Variants in COL13A1 observed in about 807,000 individuals in gnomAD.
The protein encoded by COL13A1 is collagen type XIII alpha 1 chain, also known as collagen alpha-1(XIII) chain.
A neutral mutation model predicts 130.9 loss-of-function variants in COL13A1; 89 were observed. The ratio of observed to expected loss-of-function variants is 0.68; its 90% CI spans 0.57 to 0.81. The LOEUF is 0.81. Among genes scored for constraint, COL13A1 ranks in the 30% least tolerant of loss-of-function variants. COL13A1 has a pLI of 0.00. For synonymous variants in COL13A1, 402 were observed against 341.6 expected (o/e 1.18, Z -1.95); for missense variants, 879 against 934.6 (o/e 0.94, Z 0.78).
chr10:69,949,545 C>T (rs1001034103), intron 38 of COL13A1, among the ~76,000 whole-genome samples: 3 of 152,188 alleles, frequency 2.0e-5, no homozygotes, highest in Non-Finnish European at 1.5e-5. Context: ...TCTCCATGTC[C>T]CATCAAAGGA....
At chr10:69,867,943 C>G (rs892527728) in intron 3 of COL13A1, 138 bp downstream of exon 3, 8 of 644,216 alleles carry the variant, frequency 1.2e-5, no homozygotes, top group Admixed American at 5.1e-5. Context: ...AGGGGTCCCT[C>G]CAGAATGCCT....
chr10:69,834,450 T>C (rs1233794083), intron 2 of COL13A1, among the ~76,000 whole-genome samples: 1 of 152,200 alleles, frequency 6.6e-6, no homozygotes, highest in Non-Finnish European at 1.5e-5. Context: ...AAGGAGGGGT[T>C]GAGGCAATTA....
At chr10:69,911,764 T>A (rs896244335) in intron 17 of COL13A1, among the ~76,000 whole-genome samples, 7 of 152,252 alleles carry the variant, frequency 4.6e-5, no homozygotes, top group African/African-American at 1.7e-4. Context: ...TGCCAAAGAA[T>A]TAAGGAAGTG....
At chr10:69,820,615 G>A (rs770579984) in intron 1 of COL13A1, among the ~76,000 whole-genome samples, 33 of 152,178 alleles carry the variant, frequency 2.2e-4, no homozygotes, top group Non-Finnish European at 3.2e-4. Flanking sequence ...GCCGCTCTGT[G>A]CCCACCTGTA....
chr10:69,829,073 C>G (rs570754461), intron 2 of COL13A1, among the ~76,000 whole-genome samples: 6 of 152,172 alleles, frequency 3.9e-5, no homozygotes, highest in East Asian at 1.9e-4. Flanking sequence ...ACCTTCCCCC[C>G]ACCTGGCCCT....
chr10:69,806,407 G>A (rs904176962), intron 1 of COL13A1, among the ~76,000 whole-genome samples: 2 of 152,218 alleles, frequency 1.3e-5, no homozygotes, highest in South Asian at 2.1e-4. Flanking sequence ...AGGCCTGAGA[G>A]GGGAGCCAGA....
intron 17 of COL13A1, among the ~76,000 whole-genome samples, chr10:69,914,669 G>T (rs1375548711): frequency 6.6e-6 from 1 of 152,242 alleles, no homozygotes; most frequent in Non-Finnish European, 1.5e-5. Context: ...CCAGAGGACT[G>T]TGGGGGCCTC....
intron 1 of COL13A1, among the ~76,000 whole-genome samples, chr10:69,811,974 T>A (rs541356440): frequency 2.8e-4 from 43 of 152,158 alleles, no homozygotes; most frequent in African/African-American, 1.0e-3. Context: ...CTCCTCTCCA[T>A]CCCTGCCTGC....
At chr10:69,804,108 C>T (rs989761454) in intron 1 of COL13A1, among the ~76,000 whole-genome samples, 6 of 152,140 alleles carry the variant, frequency 3.9e-5, no homozygotes, top group Admixed American at 1.3e-4. Context: ...AGAACTCCAT[C>T]GGGCCGTCCA....
chr10:69,858,115 C>CAAAAAAA (rs573668102), intron 2 of COL13A1, among the ~76,000 whole-genome samples: 21,368 of 79,754 alleles, frequency 0.27, 4,537 homozygotes, highest in Non-Finnish European at 0.3. Context: ...GACTCCGTCT[C>CAAAAAAA]AAAAAAAAAA....
At chr10:69,863,743 A>C (rs1858929663) in intron 2 of COL13A1, among the ~76,000 whole-genome samples, 1 of 152,172 alleles carries the variant, frequency 6.6e-6, no homozygotes, top group Non-Finnish European at 1.5e-5. Flanking sequence ...AGAGAGACCA[A>C]ATTCAAATCC....
chr10:69,883,119 T>A (rs2060301694), intron 7 of COL13A1, among the ~76,000 whole-genome samples: 1 of 152,122 alleles, frequency 6.6e-6, no homozygotes, highest in Non-Finnish European at 1.5e-5. Context: ...TGATAAATGG[T>A]CCAAGCAAAG....
intron 39 of COL13A1, chr10:69,955,171 G>C (rs562948989): frequency 2.0e-5 from 3 of 152,356 alleles, no homozygotes; most frequent in African/African-American, 7.2e-5. Flanking sequence ...TATGCTGTGT[G>C]ACCCTGAAAG....
At chr10:69,814,262 T>A (rs567012946) in intron 1 of COL13A1, among the ~76,000 whole-genome samples, 1 of 152,326 alleles carries the variant, frequency 6.6e-6, no homozygotes, top group African/African-American at 2.4e-5. Flanking sequence ...AAGGCAGGGC[T>A]GCAGGTCAGA....
At chr10:69,862,715 G>A (rs1589140378) in intron 2 of COL13A1, among the ~76,000 whole-genome samples, 1 of 152,300 alleles carries the variant, frequency 6.6e-6, no homozygotes, top group African/African-American at 2.4e-5. Context: ...CCGGGAGGCA[G>A]GCAGACCTGG....
intron 18 of COL13A1, among the ~76,000 whole-genome samples, 169 bp from the exon 19 acceptor site, chr10:69,918,116 G>A (rs1032329440): frequency 3.9e-5 from 6 of 152,174 alleles, no homozygotes; most frequent in African/African-American, 7.2e-5. Flanking sequence ...TTCTCGTGGC[G>A]TCAGCTCAGC....
rs550449551 is a variant in COL13A1 at position 69,804,298 on chromosome 10, T to C, written c.294+1581T>C. Among the ~76,000 whole-genome samples the C allele has an allele frequency of 9.2e-5, 14 of 152,114 alleles. No individual in the cohort carries two copies. In the East Asian group the frequency reaches 2.3e-3, roughly 25 times the overall value. On this transcript the variant is annotated intron_variant, in intron 1 of 40. Coordinates refer to ENST00000645393, the MANE Select transcript of COL13A1 (RefSeq NM_001368882.1). The stretch of plus-strand genomic sequence containing the variant: ...GGGTTTAGCACAGCCCCTCTCTCCA[T>C]GCTTTCCCCTTCCCAGACCTTCCTG...
chr10:69,843,033 C>T (rs1852022631), intron 2 of COL13A1, among the ~76,000 whole-genome samples: 1 of 152,182 alleles, frequency 6.6e-6, no homozygotes, highest in Admixed American at 6.5e-5. Context: ...GGCTGCTGAG[C>T]CTAAAGGCCT....
At chr10:69,853,967 G>A (rs778718005) in intron 2 of COL13A1, among the ~76,000 whole-genome samples, 8 of 152,228 alleles carry the variant, frequency 5.3e-5, no homozygotes, top group Non-Finnish European at 8.8e-5. Context: ...TTACAGAGCT[G>A]TTTGAACAAT....
Sources: gnomAD v4.1 joint callset for allele counts (sites outside exome capture counted in the v4.1 genomes callset) on GRCh38, gnomAD v4.1.1 for gene constraint, MANE v1.5 for transcripts, NCBI Gene and HGNC (gene_info 2026-07-23, HGNC 2026-07-21) for gene names.